The following PROSER2 variants were observed in gnomAD, a reference collection of about 807,000 sequenced individuals.
The protein encoded by PROSER2 is proline and serine rich 2.
In PROSER2, 18 loss-of-function variants were observed where a neutral mutation model predicts 14.6. The ratio of observed to expected loss-of-function variants is 1.23; its 90% CI spans 0.85 to 1.83. The LOEUF is 1.83. Among genes scored for constraint, PROSER2 ranks in the 40% most tolerant of loss-of-function variants. PROSER2 has a pLI of 0.00. For synonymous variants in PROSER2, 367 were observed against 286.4 expected, an observed-to-expected ratio of 1.28 and a Z score of -2.84; for missense variants, 823 against 629.8, an observed-to-expected ratio of 1.31 and a Z score of -3.28.
At position 11,838,759 on chromosome 10, in the gene PROSER2, C is replaced by G. The variant is rs1293641993; in HGVS notation, c.-81-13238C>G. Among the ~76,000 whole-genome samples, 1 of 152,230 alleles carries G rather than the reference C, an allele frequency of 6.6e-6. No homozygotes were observed. The highest frequency in any genetic ancestry group is 1.5e-5 in the Non-Finnish European group (1 of 68,038). Reference sequence around the variant, plus strand: ...TTTGTTCACTAGTGAGGTTGAACATCTGTCTTGTACTTAATAATCATCTGG... The same window carrying G: ...TTTGTTCACTAGTGAGGTTGAACATGTGTCTTGTACTTAATAATCATCTGG... On this transcript the variant is annotated intron_variant, in intron 1 of 3. Coordinates refer to ENST00000277570, the MANE Select transcript of PROSER2 (RefSeq NM_153256.4). This position sits in a 1 kb window ranked among gnomAD's most constrained non-coding sequence, Gnocchi z 4.4.
chr10:11,870,978 TACTGAAA>T lies in PROSER2; in HGVS notation c.*580_*586del, dbSNP rs1195846166. 1.3e-5 allele frequency: 2 copies of T among 152,570 alleles called. No individual in the cohort carries two copies. Among genetic ancestry groups the T allele is most frequent in the African/African-American group, 4.8e-5 (2 of 41,478 alleles). The allele number at this position is 152,570 out of a possible 1,614,324, so 9.5% of individuals were successfully genotyped here. A position where few individuals can be genotyped will look rare whatever the true frequency, so the allele number is the denominator to read the frequency against. On this transcript the variant is annotated 3_prime_UTR_variant, in exon 4 of 4. Transcript: ENST00000277570. ...CTTTAGTTTGCCCAGTTTTGTTTTT[TACTGAAA>T]ACTGAAATGAAACCTTTAGATATTG...
rs528076478 is a variant in PROSER2, at chr10:11,848,914, T to C, written c.-81-3083T>C. 4.2e-4 allele frequency among the ~76,000 whole-genome samples: 64 copies of C among 152,090 alleles called. No homozygotes were observed. In the South Asian group the frequency reaches 0.013, roughly 30 times the overall value. ...TGGAGAGTTTGTTTAACAAGCCAGG[T>C]GTGGTGGCTCACGCCTGTAATCCCA... is the stretch of plus-strand genomic sequence containing the variant. On this transcript the variant is annotated intron_variant, in intron 1 of 3. Transcript: ENST00000277570.
chr10:11,827,931 G>C (rs1213911692), intron 1 of PROSER2, among the ~76,000 whole-genome samples: 1 of 152,158 alleles, frequency 6.6e-6, no homozygotes, highest in Middle Eastern at 3.4e-3. Context: ...CCCCACCTTA[G>C]CCCCTGAAAG....
In PROSER2 at chr10:11,823,794, G is replaced by T. The variant is rs1379983389; in HGVS notation, c.-82+324G>T. Among the ~76,000 whole-genome samples the T allele has an allele frequency of 6.6e-6, 1 of 152,152 alleles. No individual in the cohort carries two copies. Among genetic ancestry groups the T allele is most frequent in the African/African-American group, 2.4e-5 (1 of 41,448 alleles). ...GGAGGCGGGTTTCCCAGCCTTGGGCGCAGAGGGTCCCCGCTGTCCCCACCG... is the reference window on the plus strand; with the variant it reads ...GGAGGCGGGTTTCCCAGCCTTGGGCTCAGAGGGTCCCCGCTGTCCCCACCG... On this transcript the variant is annotated intron_variant, in intron 1 of 3. Coordinates refer to ENST00000277570, the MANE Select transcript of PROSER2 (RefSeq NM_153256.4). The surrounding 1 kb of genome is among the most constrained non-coding windows in gnomAD (Gnocchi z 6.2).
In PROSER2 at chr10:11,870,114, C is replaced by G. The variant is rs752312597; in HGVS notation, c.1016C>G (p.Pro339Arg). 71 of 1,350,024 alleles carry G rather than the reference C, an allele frequency of 5.3e-5. 1 individual carries two copies. The South Asian group carries it at 1.2e-3, about 23-fold the overall frequency. The allele number at this position is 1,350,024 out of a possible 1,614,324, so 83.6% of individuals were successfully genotyped here. A position where few individuals can be genotyped will look rare whatever the true frequency, so the allele number is the denominator to read the frequency against. ...LRAGGQAPRG[P>R]ALANGFPSAH... Reference sequence around the variant, plus strand: ...GCAGGGGGTCAGGCTCCGCGGGGCCCGGCGCTGGCCAACGGCTTCCCAAGT... The same window carrying G: ...GCAGGGGGTCAGGCTCCGCGGGGCCGGGCGCTGGCCAACGGCTTCCCAAGT... The change falls in exon 4 of 4, where the codon CCG becomes CGG. Residue 339 changes from proline (P) to arginine (R), a missense_variant. Transcript: ENST00000277570.
At position 11,866,134 on chromosome 10, in the gene PROSER2, G is replaced by A. The variant is rs924525413; in HGVS notation, c.139-397G>A. 1.3e-5 allele frequency among the ~76,000 whole-genome samples: 2 copies of A among 152,158 alleles called. No individual in the cohort carries two copies. The highest frequency in any genetic ancestry group is 4.8e-5 in the African/African-American group (2 of 41,438). On this transcript the variant is annotated intron_variant, in intron 2 of 3. Coordinates refer to ENST00000277570, the MANE Select transcript of PROSER2 (RefSeq NM_153256.4). This position sits in a 1 kb window ranked among gnomAD's most constrained non-coding sequence, Gnocchi z 6.0. ...CCTTCGTTTTAGTACGGTTTCTGGTGAGAAAGGAGATAAATATGTGAGTTC... is the reference window on the plus strand; with the variant it reads ...CCTTCGTTTTAGTACGGTTTCTGGTAAGAAAGGAGATAAATATGTGAGTTC...
In PROSER2 at chr10:11,844,720, C is replaced by G. The variant is rs146463776; in HGVS notation, c.-81-7277C>G. Among the ~76,000 whole-genome samples the G allele has an allele frequency of 1.8e-3, 280 of 152,332 alleles. 1 individual carries two copies. The highest frequency in any genetic ancestry group is 6.5e-3 in the African/African-American group (272 of 41,560). ...CACTGCAACCTCTGCCTCCTGGGTT[C>G]AAGCGATTCTCCCACCCTAGTCTCT... On this transcript the variant is annotated intron_variant, in intron 1 of 3. Transcript: ENST00000277570.
chr10:11,830,762 G>C lies in PROSER2; in HGVS notation c.-82+7292G>C, dbSNP rs1833679923. On this transcript the variant is annotated intron_variant, in intron 1 of 3. Coordinates refer to ENST00000277570, the MANE Select transcript of PROSER2 (RefSeq NM_153256.4). This position sits in a 1 kb window ranked among gnomAD's most constrained non-coding sequence, Gnocchi z 4.5. ...CAACAAACATTTGGTGGTCCCCATT[G>C]CTTAAAAATGTGCTAAAAACCCCTG... Among the ~76,000 whole-genome samples, 1 of 152,194 alleles carries C rather than the reference G, an allele frequency of 6.6e-6. No homozygotes were observed. Among genetic ancestry groups the C allele is most frequent in the African/African-American group, 2.4e-5 (1 of 41,446 alleles).
At chr10:11,835,647 T>C (rs1461719412) in intron 1 of PROSER2, among the ~76,000 whole-genome samples, 1 of 152,214 alleles carries the variant, frequency 6.6e-6, no homozygotes, top group Non-Finnish European at 1.5e-5. Context: ...CTCATTTTTG[T>C]TAATACACAA....
At chr10:11,825,576 A>G (rs974146739) in intron 1 of PROSER2, among the ~76,000 whole-genome samples, 2 of 152,228 alleles carry the variant, frequency 1.3e-5, no homozygotes, top group Non-Finnish European at 2.9e-5. Context: ...GGTTATGTCC[A>G]GCCAGTGGCA....
intron 2 of PROSER2, among the ~76,000 whole-genome samples, chr10:11,859,008 CAAAAAAA>C (rs750181845): frequency 3.3e-5 from 2 of 61,160 alleles, no homozygotes; most frequent in African/African-American, 1.2e-4. Context: ...GACTCTGTCT[CAAAAAAA>C]AAAAAAAAAA....
At chr10:11,846,936 G>A (rs973731642) in intron 1 of PROSER2, among the ~76,000 whole-genome samples, 1 of 151,714 alleles carries the variant, frequency 6.6e-6, no homozygotes, top group African/African-American at 2.4e-5. Context: ...TTGGGGTGGG[G>A]TCGGGGGGCA....
At chr10:11,840,110 C>T (rs1237995896) in intron 1 of PROSER2, among the ~76,000 whole-genome samples, 1 of 151,356 alleles carries the variant, frequency 6.6e-6, no homozygotes, top group Admixed American at 6.6e-5. Context: ...ACTCCTCCAC[C>T]CCTGGGTAAT....
At chr10:11,840,783 G>A (rs1289773904) in intron 1 of PROSER2, among the ~76,000 whole-genome samples, 2 of 151,328 alleles carry the variant, frequency 1.3e-5, no homozygotes, top group African/African-American at 2.4e-5. Flanking sequence ...AAATTAGCTG[G>A]GCGTGGTGGC....
At chr10:11,843,791 G>T (rs1254997990) in intron 1 of PROSER2, among the ~76,000 whole-genome samples, 1 of 151,984 alleles carries the variant, frequency 6.6e-6, no homozygotes, top group Non-Finnish European at 1.5e-5. Flanking sequence ...GGCAGAGGTT[G>T]CAGCGAGCCA....
At position 11,840,773 on chromosome 10, in the gene PROSER2, A is replaced by G. The variant is rs570047407; in HGVS notation, c.-81-11224A>G. 1.9e-3 allele frequency among the ~76,000 whole-genome samples: 289 copies of G among 151,480 alleles called. 4 individuals are homozygous for G. The highest frequency in any genetic ancestry group is 3.3e-3 in the Non-Finnish European group (222 of 67,830). Reference sequence around the variant, plus strand: ...AACCCTGTCTCTACTAAAAATACCAAAATTAGCTGGGCGTGGTGGCTCATG... The same window carrying G: ...AACCCTGTCTCTACTAAAAATACCAGAATTAGCTGGGCGTGGTGGCTCATG... On this transcript the variant is annotated intron_variant, in intron 1 of 3. Transcript: ENST00000277570.
chr10:11,859,045 T>TC (rs1158157626), intron 2 of PROSER2, among the ~76,000 whole-genome samples: 1 of 146,628 alleles, frequency 6.8e-6, no homozygotes, highest in African/African-American at 2.5e-5. Context: ...AGAGATGGTT[T>TC]CCTAGCCTGT....
chr10:11,847,825 T>G (rs1404879577), intron 1 of PROSER2, among the ~76,000 whole-genome samples: 1 of 152,262 alleles, frequency 6.6e-6, no homozygotes, highest in Non-Finnish European at 1.5e-5. Context: ...GGATTCTTTC[T>G]CTTTGATCTC....
intron 2 of PROSER2, among the ~76,000 whole-genome samples, chr10:11,864,708 C>G (rs1006255197): frequency 1.3e-5 from 2 of 151,710 alleles, no homozygotes; most frequent in Admixed American, 6.6e-5. Context: ...CCTGCCTCGG[C>G]CTCCTAAGTA....
Sources: allele counts gnomAD v4.1 joint callset (sites outside exome capture counted in the v4.1 genomes callset), GRCh38; gene constraint gnomAD v4.1.1; non-coding constraint Gnocchi (gnomAD v3.1); transcripts MANE v1.5; gene names NCBI Gene and HGNC (gene_info 2026-07-23, HGNC 2026-07-21).